KIF16B: variants seen among roughly 807,000 people sequenced by gnomAD.
KIF16B encodes kinesin family member 16B.
Under a neutral mutation model 156.3 loss-of-function variants are expected in KIF16B, and 98 were observed. That is an observed-to-expected ratio of 0.63 (90% CI 0.53 to 0.74). KIF16B has a LOEUF of 0.74. Ranked by LOEUF, KIF16B falls within the 30% of genes least tolerant of loss-of-function variation. The pLI, the probability that KIF16B is intolerant of heterozygous loss-of-function variation, is 0.00. For missense variants in KIF16B, 1,421 were observed against 1,606.5 expected (o/e 0.88, Z 1.97); for synonymous variants, 564 against 583.7 (o/e 0.97, Z 0.49).
rs1850107048 is a variant in KIF16B, at chr20:16,272,706, G to A, written c.*547C>T. 1 of 152,634 alleles carries A rather than the reference G, an allele frequency of 6.6e-6. No homozygotes were observed. Among genetic ancestry groups the A allele is most frequent in the Admixed American group, 6.5e-5 (1 of 15,270 alleles). The allele number at this position is 152,634 out of a possible 1,614,324, so 9.5% of individuals were successfully genotyped here. ...TATGAAATTCTGTGTAAACATCAGT[G>A]TTTGGGTTTTATATAAAAGTTCTGA... On this transcript the variant is annotated 3_prime_UTR_variant, in exon 26 of 26. Coordinates refer to ENST00000354981, the MANE Select transcript of KIF16B (RefSeq NM_024704.5).
At chr20:16,486,772 A>G (rs1462940368) in intron 12 of KIF16B, among the ~76,000 whole-genome samples, 1 of 152,308 alleles carries the variant, frequency 6.6e-6, no homozygotes, top group Middle Eastern at 3.4e-3. Flanking sequence ...TATAAACAAT[A>G]TGTGTGATTA....
chr20:16,364,416 T>C (rs1042731125), intron 22 of KIF16B, among the ~76,000 whole-genome samples: 1 of 152,236 alleles, frequency 6.6e-6, no homozygotes, highest in Non-Finnish European at 1.5e-5. Context: ...ATGCGTCTAT[T>C]TTTTTCTGAT....
chr20:16,330,997 G>T (rs1187852354), intron 24 of KIF16B, among the ~76,000 whole-genome samples: 1 of 152,228 alleles, frequency 6.6e-6, no homozygotes, highest in Non-Finnish European at 1.5e-5. Flanking sequence ...TCCAGAGACT[G>T]CTTGGGGGGC....
At chr20:16,337,161 A>G (rs1357773827) in intron 23 of KIF16B, among the ~76,000 whole-genome samples, 1 of 152,154 alleles carries the variant, frequency 6.6e-6, no homozygotes, top group Non-Finnish European at 1.5e-5. Context: ...GAATGCGCAT[A>G]TTCTCTGCCA....
intron 23 of KIF16B, among the ~76,000 whole-genome samples, chr20:16,338,781 T>C (rs1014171828): frequency 7.9e-5 from 12 of 152,172 alleles, no homozygotes; most frequent in Non-Finnish European, 1.8e-4. Context: ...CAAGTGGCAA[T>C]TGATGACACC....
chr20:16,462,896 C>G (rs185126919), intron 12 of KIF16B, among the ~76,000 whole-genome samples: 53 of 152,334 alleles, frequency 3.5e-4, no homozygotes, highest in African/African-American at 1.3e-3. Flanking sequence ...TTGTCAACCA[C>G]ATGTTCAGTA....
intron 17 of KIF16B, among the ~76,000 whole-genome samples, chr20:16,386,848 C>A (rs544241682): frequency 1.3e-5 from 2 of 152,214 alleles, no homozygotes; most frequent in African/African-American, 4.8e-5. Context: ...TGAACACAGG[C>A]TCAAAAATAA....
At chr20:16,543,510 T>A (rs1233348121) in intron 1 of KIF16B, among the ~76,000 whole-genome samples, 1 of 152,204 alleles carries the variant, frequency 6.6e-6, no homozygotes, top group South Asian at 2.1e-4. Context: ...ACATAACAGA[T>A]GCCTTACTCA....
intron 15 of KIF16B, among the ~76,000 whole-genome samples, chr20:16,413,800 AG>A (rs1198321490): frequency 4.0e-5 from 6 of 151,414 alleles, no homozygotes; most frequent in African/African-American, 1.5e-4. Context: ...AGTGGAAGAA[AG>A]GTTATCATTT....
chr20:16,480,866 T>C (rs1440462745), intron 12 of KIF16B, among the ~76,000 whole-genome samples: 1 of 152,212 alleles, frequency 6.6e-6, no homozygotes, highest in Non-Finnish European at 1.5e-5. Flanking sequence ...TCTATTCAGT[T>C]AAAATTTCTT....
intron 12 of KIF16B, among the ~76,000 whole-genome samples, chr20:16,456,762 C>G (rs2067223833): frequency 6.6e-6 from 1 of 152,138 alleles, no homozygotes; most frequent in African/African-American, 2.4e-5. Flanking sequence ...GATTCTGTGC[C>G]TGTGTTTTTG....
chr20:16,534,332 G>A (rs1367345946), intron 1 of KIF16B, among the ~76,000 whole-genome samples: 7 of 152,018 alleles, frequency 4.6e-5, no homozygotes, highest in Admixed American at 4.6e-4. Flanking sequence ...CAGCCATAAA[G>A]AGCAAATCTC....
chr20:16,496,958 T>C (rs949882253), intron 11 of KIF16B, among the ~76,000 whole-genome samples: 1 of 152,038 alleles, frequency 6.6e-6, no homozygotes, highest in Non-Finnish European at 1.5e-5. Flanking sequence ...TTCAGCACCA[T>C]GAACAAAATT....
chr20:16,356,555 A>G (rs2064447278), intron 22 of KIF16B, 103 bp from the exon 23 acceptor site: 2 of 1,288,460 alleles, frequency 1.6e-6, no homozygotes, highest in Non-Finnish European at 1.1e-6. Context: ...TCAAGTAGAG[A>G]AAAGAGCATC....
intron 22 of KIF16B, chr20:16,367,249 A>T (rs1228338820): frequency 6.2e-7 from 1 of 1,612,870 alleles, no homozygotes; most frequent in Admixed American, 1.7e-5. Context: ...TTGAAGATAC[A>T]ATGGGGTGGT....
intron 25 of KIF16B, among the ~76,000 whole-genome samples, chr20:16,305,440 T>G (rs1286687010): frequency 1.3e-5 from 2 of 152,228 alleles, no homozygotes; most frequent in African/African-American, 4.8e-5. Flanking sequence ...GTACATATTT[T>G]GGGGCTATAT....
chr20:16,456,960 C>T (rs2067228270), intron 12 of KIF16B, among the ~76,000 whole-genome samples: 1 of 152,106 alleles, frequency 6.6e-6, no homozygotes, highest in East Asian at 1.9e-4. Context: ...ATCTATGATG[C>T]CTGAAGATCC....
intron 12 of KIF16B, among the ~76,000 whole-genome samples, chr20:16,441,488 T>A (rs1166498784): frequency 6.6e-6 from 1 of 152,190 alleles, no homozygotes; most frequent in East Asian, 1.9e-4. Context: ...TCAGTGACTT[T>A]ACATTCATGC....
At chr20:16,486,439 A>G (rs1176046284) in intron 12 of KIF16B, among the ~76,000 whole-genome samples, 1 of 152,222 alleles carries the variant, frequency 6.6e-6, no homozygotes, top group Non-Finnish European at 1.5e-5. Flanking sequence ...AAGGATGCCC[A>G]CCACCTCTCA....
Sources: gnomAD v4.1 joint callset for allele counts (sites outside exome capture counted in the v4.1 genomes callset) on GRCh38, gnomAD v4.1.1 for gene constraint, MANE v1.5 for transcripts, NCBI Gene and HGNC (gene_info 2026-07-23, HGNC 2026-07-21) for gene names.